The following GNA12 variants were observed in gnomAD, a reference collection of about 807,000 sequenced individuals.
GNA12 encodes the protein G protein subunit alpha 12.
A neutral mutation model predicts 26.0 loss-of-function variants in GNA12; 9 were observed. The ratio of observed to expected loss-of-function variants is 0.35; its 90% confidence interval spans 0.21 to 0.60. The LOEUF is 0.60. Among genes scored for constraint, GNA12 ranks in the 20% least tolerant of loss-of-function variants. The pLI is 0.78. For missense variants in GNA12, 405 were observed against 525.8 expected, an observed-to-expected ratio of 0.77 and a Z score of 2.25; for synonymous variants, 264 against 219.6, an observed-to-expected ratio of 1.20 and a Z score of -1.79.
chr7:2,796,651 G>C (rs1169706930), intron 1 of GNA12, among the ~76,000 whole-genome samples: 1 of 152,180 alleles, frequency 6.6e-6, no homozygotes, highest in Admixed American at 6.5e-5. Flanking sequence ...TCATGTTCTA[G>C]ATTTAACGTC....
chr7:2,782,548 C>G (rs559481691), intron 2 of GNA12, among the ~76,000 whole-genome samples: 1 of 152,328 alleles, frequency 6.6e-6, no homozygotes, highest in Non-Finnish European at 1.5e-5. Context: ...AGAAAGCTGT[C>G]AAACTGTCAC....
chr7:2,808,427 T>G (rs534356694), intron 1 of GNA12, among the ~76,000 whole-genome samples: 14 of 152,248 alleles, frequency 9.2e-5, no homozygotes, highest in Non-Finnish European at 2.1e-4. Flanking sequence ...TGTCTGTCCC[T>G]GCAGGCTGGC....
chr7:2,792,957 A>G (rs148780861), intron 2 of GNA12, among the ~76,000 whole-genome samples: 124 of 152,344 alleles, frequency 8.1e-4, no homozygotes, highest in African/African-American at 2.8e-3. Flanking sequence ...AAGGTGGCCA[A>G]CAGTGCCTCA....
chr7:2,786,164 C>T (rs1484594512), intron 2 of GNA12, among the ~76,000 whole-genome samples: 1 of 152,184 alleles, frequency 6.6e-6, no homozygotes, highest in East Asian at 1.9e-4. Flanking sequence ...TACAGTGACA[C>T]AGTACTACAT....
At chr7:2,821,693 A>G (rs1400386247) in intron 1 of GNA12, among the ~76,000 whole-genome samples, 5 of 152,154 alleles carry the variant, frequency 3.3e-5, no homozygotes. Context: ...GTGATGAACA[A>G]TGCTAGGTAA....
At chr7:2,815,650 G>A (rs1212301440) in intron 1 of GNA12, among the ~76,000 whole-genome samples, 7 of 152,178 alleles carry the variant, frequency 4.6e-5, no homozygotes, top group Admixed American at 6.5e-5. Flanking sequence ...AACCACAATC[G>A]AGGCTCTTGC....
intron 2 of GNA12, among the ~76,000 whole-genome samples, chr7:2,777,212 G>A (rs556619374): frequency 7.2e-5 from 11 of 152,292 alleles, no homozygotes; most frequent in South Asian, 6.2e-4. Flanking sequence ...AAACGTGGAC[G>A]CTTGGGTATA....
chr7:2,755,477 C>T (rs1342144512), intron 2 of GNA12, among the ~76,000 whole-genome samples: 1 of 152,220 alleles, frequency 6.6e-6, no homozygotes, highest in Admixed American at 6.5e-5. Context: ...TAAATTTACA[C>T]CACAGTATTT....
At position 2,753,317 on chromosome 7, in the gene GNA12, C is replaced by T. The variant is rs550063227; in HGVS notation, c.526-19816G>A. 2.0e-5 allele frequency among the ~76,000 whole-genome samples: 3 copies of T among 152,244 alleles called. No homozygotes were observed. The South Asian group carries it at 6.2e-4, about 32-fold the overall frequency. On this transcript the variant is annotated intron_variant, in intron 2 of 3. Transcript: ENST00000275364. ...TATAGGTGCATGCCACCACGATTGGCTAATTTTATTTTTTGTAGAGATGGG... is the reference window on the plus strand; with the variant it reads ...TATAGGTGCATGCCACCACGATTGGTTAATTTTATTTTTTGTAGAGATGGG...
chr7:2,734,311 A>T (rs931946545), intron 2 of GNA12, among the ~76,000 whole-genome samples: 5 of 152,230 alleles, frequency 3.3e-5, no homozygotes, highest in Admixed American at 1.3e-4. Flanking sequence ...AAGGTAGCGT[A>T]TTAAAAACCA....
intron 1 of GNA12, among the ~76,000 whole-genome samples, chr7:2,804,041 A>G (rs1054461211): frequency 2.0e-5 from 3 of 152,218 alleles, no homozygotes; most frequent in African/African-American, 7.2e-5. Context: ...CTTCACTAAA[A>G]ATTTCACTAC....
intron 1 of GNA12, among the ~76,000 whole-genome samples, chr7:2,803,793 C>CAA (rs764259342): frequency 1.5e-4 from 18 of 122,244 alleles, no homozygotes; most frequent in Middle Eastern, 4.2e-3. Flanking sequence ...CCTAAAAGTC[C>CAA]AAAACAAAAC....
intron 1 of GNA12, among the ~76,000 whole-genome samples, chr7:2,832,302 G>C (rs1302096556): frequency 6.6e-6 from 1 of 152,184 alleles, no homozygotes; most frequent in Non-Finnish European, 1.5e-5. Flanking sequence ...CACGAGGCCA[G>C]GACTGTGTCT....
chr7:2,830,181 T>C (rs1381610484), intron 1 of GNA12, among the ~76,000 whole-genome samples: 1 of 152,200 alleles, frequency 6.6e-6, no homozygotes, highest in Non-Finnish European at 1.5e-5. Context: ...GGCTCTTTCT[T>C]GCCTCAATAC....
intron 1 of GNA12, among the ~76,000 whole-genome samples, chr7:2,838,998 A>G (rs569249791): frequency 6.6e-6 from 1 of 152,320 alleles, no homozygotes; most frequent in South Asian, 2.1e-4. Context: ...ATAGAACTCA[A>G]CACCACTATC....
At chr7:2,774,553 G>A (rs1378853263) in intron 2 of GNA12, among the ~76,000 whole-genome samples, 1 of 152,202 alleles carries the variant, frequency 6.6e-6, no homozygotes, top group Non-Finnish European at 1.5e-5. Flanking sequence ...CAGAGAGGAG[G>A]GGAGCAGGAG....
chr7:2,835,971 T>A (rs1778825590), intron 1 of GNA12: 1 of 480,150 alleles, frequency 2.1e-6, no homozygotes, highest in African/African-American at 2.0e-5. Context: ...ATTTGAAAGT[T>A]CAGTTGTATG....
chr7:2,792,746 A>C (rs1273639719), intron 2 of GNA12, among the ~76,000 whole-genome samples: 1 of 152,146 alleles, frequency 6.6e-6, no homozygotes, highest in African/African-American at 2.4e-5. Flanking sequence ...TGATTCTTTT[A>C]CCTTAACTGT....
At position 2,795,030 on chromosome 7, in the gene GNA12, A is replaced by C. The variant is rs771918639; in HGVS notation, c.423T>G (p.Pro141=). 9 of 1,614,004 alleles carry C rather than the reference A, an allele frequency of 5.6e-6. 1 individual carries two copies. The South Asian group carries it at 9.9e-5, about 18-fold the overall frequency. ...ACAGCTGGAAGGTGGCCGGCTCCAC[A>C]GGCAGCCCCGCCTTGTTCTCGAAGG... is the stretch of plus-strand genomic sequence containing the variant. ...LMAFENKAGL[P]VEPATFQLYV... Residue 141 remains proline (P), a synonymous_variant, in exon 2 of 4, where the codon CCT becomes CCG. Transcript: ENST00000275364.
Sources: allele counts gnomAD v4.1 joint callset (sites outside exome capture counted in the v4.1 genomes callset), GRCh38; gene constraint gnomAD v4.1.1; transcripts MANE v1.5; gene names NCBI Gene and HGNC (gene_info 2026-07-23, HGNC 2026-07-21).